CSMD1: variants seen among roughly 807,000 people sequenced by gnomAD.
CSMD1 encodes the protein CUB and sushi domain-containing protein 1.
In CSMD1, 213 loss-of-function variants were observed where a neutral mutation model predicts 417.5. The observed-to-expected ratio is 0.51, with a 90% CI of 0.46 to 0.57. The LOEUF (loss-of-function observed/expected upper bound fraction) is 0.57, where lower values mean the gene tolerates loss of function less well. Among genes scored for constraint, CSMD1 ranks in the 20% least tolerant of loss-of-function variants. CSMD1 has a pLI of 0.00. For synonymous variants in CSMD1, 2,862 were observed against 1,736.8 expected (o/e 1.65, Z -16.11); for missense variants, 6,923 against 4,529.7 (o/e 1.53, Z -15.17).
At chr8:4,806,362 T>G (rs1053478552) in intron 1 of CSMD1, among the ~76,000 whole-genome samples, 12 of 152,142 alleles carry the variant, frequency 7.9e-5, no homozygotes, top group Non-Finnish European at 1.8e-4. Flanking sequence ...GTTGCAGTAT[T>G]GAACTCGTGT....
chr8:4,407,854 G>C (rs929676500), intron 3 of CSMD1, among the ~76,000 whole-genome samples: 3 of 152,128 alleles, frequency 2.0e-5, no homozygotes. Context: ...TGAAAAATCA[G>C]ATGTGGAATG....
At chr8:4,349,655 G>A (rs960851477) in intron 3 of CSMD1, among the ~76,000 whole-genome samples, 2 of 152,018 alleles carry the variant, frequency 1.3e-5, no homozygotes, top group African/African-American at 4.8e-5. Flanking sequence ...CATAATATTT[G>A]GCTAAATGGT....
intron 5 of CSMD1, among the ~76,000 whole-genome samples, chr8:3,829,864 G>T (rs1180071498): frequency 2.0e-5 from 3 of 152,084 alleles, no homozygotes; most frequent in Non-Finnish European, 4.4e-5. Flanking sequence ...AATCCGCTTA[G>T]AAAACACTGT....
intron 3 of CSMD1, among the ~76,000 whole-genome samples, chr8:4,347,604 C>A (rs538434741): frequency 1.4e-3 from 206 of 152,220 alleles, no homozygotes; most frequent in Non-Finnish European, 2.4e-3. Flanking sequence ...AGATATTGGC[C>A]ATCTGCTCTG....
At chr8:3,474,554 T>C (rs146891095) in intron 11 of CSMD1, among the ~76,000 whole-genome samples, 22 of 152,332 alleles carry the variant, frequency 1.4e-4, no homozygotes, top group African/African-American at 5.3e-4. Context: ...TACTTAAATG[T>C]TTAATATTAG....
chr8:4,642,323 C>A (rs1264665402), intron 1 of CSMD1, among the ~76,000 whole-genome samples: 1 of 152,188 alleles, frequency 6.6e-6, no homozygotes. Flanking sequence ...AAACACCCAG[C>A]TTAGAAAATG....
chr8:4,562,839 A>G (rs541409769), intron 2 of CSMD1, among the ~76,000 whole-genome samples: 12 of 152,320 alleles, frequency 7.9e-5, no homozygotes, highest in Admixed American at 2.0e-4. Flanking sequence ...AATATCAGGA[A>G]GAATTCAAAT....
At chr8:3,397,588 C>T (rs1304904841) in intron 16 of CSMD1, among the ~76,000 whole-genome samples, 1 of 152,180 alleles carries the variant, frequency 6.6e-6, no homozygotes, top group Non-Finnish European at 1.5e-5. Flanking sequence ...CCAACTTTGT[C>T]TTATGACACT....
intron 3 of CSMD1, among the ~76,000 whole-genome samples, chr8:4,411,038 G>T (rs1369931429): frequency 6.6e-6 from 1 of 152,018 alleles, no homozygotes; most frequent in Admixed American, 6.6e-5. Context: ...CCGTTTTGCT[G>T]GTCCACCATG....
intron 3 of CSMD1, among the ~76,000 whole-genome samples, chr8:4,210,774 A>G (rs1055672853): frequency 6.6e-5 from 10 of 152,356 alleles, no homozygotes; most frequent in African/African-American, 2.4e-4. Flanking sequence ...TTTTGAATTC[A>G]ATGAGTAAAT....
At chr8:3,025,822 G>A (rs544558678) in intron 51 of CSMD1, among the ~76,000 whole-genome samples, 2 of 152,278 alleles carry the variant, frequency 1.3e-5, no homozygotes, top group East Asian at 3.9e-4. Context: ...TTACTTATGT[G>A]AGCATGTAAT....
rs1044773505 is a variant in CSMD1, at chr8:4,292,162, C to T, written c.415+127791G>A. On this transcript the variant is annotated intron_variant, in intron 3 of 69. Coordinates refer to ENST00000635120, the MANE Select transcript of CSMD1 (RefSeq NM_033225.6). ...AATATGAAAATGACCCAGGTGAGCC[C>T]GGTCATAGATTTCAGAAGGGATGGA... is the stretch of plus-strand genomic sequence containing the variant. Among the ~76,000 whole-genome samples the T allele has an allele frequency of 7.9e-5, 12 of 152,272 alleles. 1 individual carries two copies. In the South Asian group the frequency reaches 1.9e-3, roughly 24 times the overall value.
chr8:4,954,543 A>T (rs561542609), intron 1 of CSMD1, among the ~76,000 whole-genome samples: 11 of 152,288 alleles, frequency 7.2e-5, no homozygotes, highest in Middle Eastern at 3.4e-3. Flanking sequence ...TTATTTTTTT[A>T]AAAAATATGT....
intron 1 of CSMD1, among the ~76,000 whole-genome samples, chr8:4,843,474 T>G (rs535172835): frequency 6.6e-6 from 1 of 151,968 alleles, no homozygotes; most frequent in Admixed American, 6.6e-5. Flanking sequence ...AGAGAAATTG[T>G]GTGTATAAAG....
intron 3 of CSMD1, among the ~76,000 whole-genome samples, chr8:4,215,944 C>T (rs997470533): frequency 6.6e-6 from 1 of 152,090 alleles, no homozygotes; most frequent in Non-Finnish European, 1.5e-5. Flanking sequence ...CTGAACATGC[C>T]AGTTTCTTTT....
intron 11 of CSMD1, among the ~76,000 whole-genome samples, chr8:3,490,709 A>G (rs939136747): frequency 2.0e-5 from 3 of 152,110 alleles, no homozygotes; most frequent in Non-Finnish European, 4.4e-5. Context: ...CAGAAACTCT[A>G]TCTTTGACTT....
chr8:3,661,006 T>C (rs1798390500), intron 7 of CSMD1, among the ~76,000 whole-genome samples: 2 of 152,182 alleles, frequency 1.3e-5, no homozygotes. Flanking sequence ...GCACCCAGCG[T>C]CAACTGCTAT....
At chr8:4,094,587 G>T (rs1008638488) in intron 3 of CSMD1, among the ~76,000 whole-genome samples, 10 of 152,112 alleles carry the variant, frequency 6.6e-5, no homozygotes, top group Admixed American at 2.0e-4. Flanking sequence ...ATGGAGCACC[G>T]TGCTGTGCTT....
At chr8:4,661,312 A>G (rs1804592653) in intron 1 of CSMD1, among the ~76,000 whole-genome samples, 3 of 152,194 alleles carry the variant, frequency 2.0e-5, no homozygotes, top group Admixed American at 2.0e-4. Context: ...ACAAATAAAA[A>G]CAGACTGCTG....
Sources: gnomAD v4.1 joint callset for allele counts (sites outside exome capture counted in the v4.1 genomes callset) on GRCh38, gnomAD v4.1.1 for gene constraint, MANE v1.5 for transcripts, NCBI Gene and HGNC (gene_info 2026-07-23, HGNC 2026-07-21) for gene names.